Variants in ZNF516 observed in about 807,000 individuals in gnomAD.
ZNF516 encodes the protein zinc finger protein 516.
In ZNF516, 19 loss-of-function variants were observed where a neutral mutation model predicts 79.7. The ratio of observed to expected loss-of-function variants is 0.24; its 90% CI spans 0.17 to 0.35. ZNF516 has a LOEUF of 0.35. ZNF516 is among the 10% of genes least tolerant of loss of function. The pLI, the probability that ZNF516 is intolerant of heterozygous loss-of-function variation, is 1.00. For synonymous variants in ZNF516, 877 were observed against 739.5 expected (o/e 1.19, Z -3.02); for missense variants, 1,678 against 1,679.5 (o/e 1.00, Z 0.02).
chr18:76,407,009 C>T (rs2075312772), intron 3 of ZNF516, among the ~76,000 whole-genome samples: 1 of 152,290 alleles, frequency 6.6e-6, no homozygotes, highest in East Asian at 1.9e-4. Flanking sequence ...TGGGTGAGAC[C>T]TCGCCCAGAC....
chr18:76,424,195 C>T (rs1231627835), intron 3 of ZNF516, among the ~76,000 whole-genome samples: 2 of 48,246 alleles, frequency 4.1e-5, no homozygotes, highest in African/African-American at 7.8e-5. Context: ...GGTGAAAAGG[C>T]TCCCCCGAAA....
chr18:76,362,533 T>C lies in ZNF516; in HGVS notation c.3457A>G (p.Thr1153Ala). Residue 1153 changes from threonine to alanine, a missense_variant, in exon 7 of 7, where the codon ACC becomes GCC. Physicochemically the swap from Thr to Ala is moderately conservative, Grantham distance 58. Around this residue, in one of 5 missense-constraint regions of ZNF516, gnomAD observed 1,294 missense variants for 1,248.3 expected, o/e 1.04. Transcript: ENST00000443185. The stretch of plus-strand genomic sequence containing the variant: ...TTTCTCAGAGGCACTGTCTGGACGG[T>C]ACCTGTGTTAGAATGGTCTCTCCCC... ...KQGRDHSNTG[T>A]VQTVPLRKGT 6.2e-7 allele frequency: 1 copy of C among 1,613,266 alleles called. No homozygotes were observed. The highest frequency in any genetic ancestry group is 8.5e-7 in the Non-Finnish European group (1 of 1,179,276).
intron 3 of ZNF516, among the ~76,000 whole-genome samples, chr18:76,397,276 C>T (rs951064045): frequency 7.2e-5 from 11 of 152,248 alleles, no homozygotes; most frequent in African/African-American, 9.6e-5. Flanking sequence ...TGCTGCCAAT[C>T]GTCCAGCTCA....
Position 76,441,906 on chromosome 18 carries a change from G to A in ZNF516, c.1149C>T (p.Phe383=), listed in dbSNP as rs116725689. The change falls in exon 3 of 7, where the codon TTC becomes TTT. Residue 383 remains phenylalanine, a synonymous_variant. Transcript: ENST00000443185. ...AEGPSDTKQF[F]LQCLNLRPSA... is the part of the protein sequence containing the mutation. ...ACGGCCTCAGGTTCAGGCACTGGAG[G>A]AAGAACTGCTTGGTGTCCGAGGGCC... 3.1e-3 allele frequency: 4,935 copies of A among 1,602,254 alleles called. 137 individuals carry two copies. In the African/African-American group the frequency reaches 0.059, roughly 19 times the overall value.
At chr18:76,494,042 A>C (rs1157996163) in intron 1 of ZNF516, 1 of 152,194 alleles carries the variant, frequency 6.6e-6, no homozygotes, top group Non-Finnish European at 1.5e-5. Flanking sequence ...ATTAACGCTG[A>C]TAATAGATGA....
At chr18:76,488,271 GTTC>G in intron 1 of ZNF516, 2 of 983,912 alleles carry the variant, frequency 2.0e-6, no homozygotes, top group Non-Finnish European at 2.4e-6. Flanking sequence ...AATAAAATTA[GTTC>G]TTCACGTTTA....
intron 2 of ZNF516, among the ~76,000 whole-genome samples, chr18:76,448,088 T>C (rs1912169498): frequency 6.6e-6 from 1 of 152,154 alleles, no homozygotes; most frequent in Non-Finnish European, 1.5e-5. Context: ...TAAAAATACA[T>C]TGTAACGGAG....
At chr18:76,401,800 ACC>A (rs2145220101) in intron 3 of ZNF516, among the ~76,000 whole-genome samples, 1 of 151,860 alleles carries the variant, frequency 6.6e-6, no homozygotes, top group African/African-American at 2.4e-5. Context: ...CCCGCGCCGC[ACC>A]CCTCCACCAC....
chr18:76,460,325 G>T (rs11878141), intron 2 of ZNF516, among the ~76,000 whole-genome samples: 5,154 of 152,264 alleles, frequency 0.034, 285 homozygotes, highest in African/African-American at 0.12. Flanking sequence ...CGACAAGGCT[G>T]TGAGCCCATT....
Position 76,360,644 on chromosome 18 carries a change from AAAATATATATATATATAT to A in ZNF516, c.*1836_*1853del, listed in dbSNP as rs1207872154. The A allele has an allele frequency of 3.0e-5, 3 of 101,646 alleles. No homozygotes were observed. The highest frequency in any genetic ancestry group is 3.6e-4 in the South Asian group (1 of 2,782). 6.3% of individuals were successfully genotyped at this position (101,646 alleles called of 1,614,324 possible). A position where few individuals can be genotyped will look rare whatever the true frequency, so the allele number is the denominator to read the frequency against. On this transcript the variant is annotated 3_prime_UTR_variant, in exon 7 of 7. Transcript: ENST00000443185. ...AGAAAAAAATAAGTAAAAAAAAAAA[AAAATATATATATATATAT>A]ATATATATATATATATAAGCTAGCC...
Position 76,440,110 on chromosome 18 carries a change from G to A in ZNF516, c.1810+1135C>T, listed in dbSNP as rs369973434. On this transcript the variant is annotated intron_variant, in intron 3 of 6. Transcript: ENST00000443185. ...TGTATACACTCATAACCTGTGCGTG[G>A]ATTCAACACAAGTTTTGCTACAGGA... Among the ~76,000 whole-genome samples the A allele has an allele frequency of 9.2e-5, 14 of 152,312 alleles. No homozygotes were observed. In the East Asian group the frequency reaches 2.5e-3, roughly 27 times the overall value.
intron 3 of ZNF516, among the ~76,000 whole-genome samples, chr18:76,405,830 G>C (rs1048219111): frequency 2.0e-5 from 3 of 152,110 alleles, no homozygotes; most frequent in Middle Eastern, 3.4e-3. Context: ...CTTCAGTCAG[G>C]GTCAAAGGCG....
At position 76,379,242 on chromosome 18, in the gene ZNF516, C is replaced by A; in HGVS notation, c.2872G>T (p.Ala958Ser). Residue 958 changes from alanine (A) to serine (S), a missense_variant, in exon 4 of 7, where the codon GCG becomes TCG. Ala to Ser is a moderately conservative substitution (Grantham distance 99). Transcript: ENST00000443185. ...KPVEKFGVPP[A>S]GAGFAPTNKH... ...TTTGTGGGGGCAAAGCCAGCCCCCG[C>A]TGGGGGGACCCCAAACTTCTCCACA... is the stretch of plus-strand genomic sequence containing the variant. 6.2e-7 allele frequency: 1 copy of A among 1,612,606 alleles called. No individual in the cohort carries two copies. Among genetic ancestry groups the A allele is most frequent in the South Asian group, 1.1e-5 (1 of 91,074 alleles).
intron 2 of ZNF516, among the ~76,000 whole-genome samples, chr18:76,445,935 C>G (rs1480996843): frequency 2.0e-5 from 3 of 152,256 alleles, no homozygotes; most frequent in Non-Finnish European, 2.9e-5. Flanking sequence ...CTCCTGGGGT[C>G]TGCGCCCAGA....
intron 1 of ZNF516, among the ~76,000 whole-genome samples, chr18:76,466,893 C>T (rs539680457): frequency 2.6e-5 from 4 of 152,310 alleles, no homozygotes; most frequent in African/African-American, 7.2e-5. Flanking sequence ...ATGCCACGGG[C>T]GGTGAACGTG....
intron 1 of ZNF516, chr18:76,492,298 A>AC: frequency 1.0e-6 from 1 of 985,490 alleles, no homozygotes; most frequent in Non-Finnish European, 1.2e-6. Context: ...AGCCACACAC[A>AC]TCACTACCGA....
Position 76,361,752 on chromosome 18 carries a change from T to C in ZNF516, c.*746A>G, listed in dbSNP as rs779850684. ...TTTTCTTAGTGTTGCGCTAGCTCTCTTCCGAGGCGGAATCTACGCATTCCC... is the reference window on the plus strand; with the variant it reads ...TTTTCTTAGTGTTGCGCTAGCTCTCCTCCGAGGCGGAATCTACGCATTCCC... On this transcript the variant is annotated 3_prime_UTR_variant, in exon 7 of 7. Coordinates refer to ENST00000443185, the MANE Select transcript of ZNF516 (RefSeq NM_014643.4). 2 of 152,246 alleles carry C rather than the reference T, an allele frequency of 1.3e-5. No homozygotes were observed. The highest frequency in any genetic ancestry group is 2.9e-5 in the Non-Finnish European group (2 of 68,064). The allele number at this position is 152,246 out of a possible 1,614,324, so 9.4% of individuals were successfully genotyped here.
Position 76,442,506 on chromosome 18 carries a change from G to C in ZNF516, c.549C>G (p.Phe183Leu). 1 of 1,601,776 alleles carries C rather than the reference G, an allele frequency of 6.2e-7. No individual in the cohort carries two copies. The highest frequency in any genetic ancestry group is 8.5e-7 in the Non-Finnish European group (1 of 1,179,624). The change falls in exon 3 of 7, where the codon TTC (phenylalanine) becomes TTG (leucine). Residue 183 changes from phenylalanine (F) to leucine (L), a missense_variant. Around this residue, in one of 5 missense-constraint regions of ZNF516, gnomAD observed 279 missense variants for 254.1 expected, o/e 1.10. Transcript: ENST00000443185. The part of the protein sequence containing the change: ...AVQCSFCKSQ[F>L]ERKKDLELHV... Reference sequence around the variant, plus strand: ...GCAGCTCCAGGTCCTTCTTACGCTCGAACTGGCTCTTGCAGAAGGAGCACT... The same window carrying C: ...GCAGCTCCAGGTCCTTCTTACGCTCCAACTGGCTCTTGCAGAAGGAGCACT...
At chr18:76,363,683 C>T (rs1599124354) in intron 6 of ZNF516, among the ~76,000 whole-genome samples, 1 of 152,212 alleles carries the variant, frequency 6.6e-6, no homozygotes, top group Non-Finnish European at 1.5e-5. Context: ...GACTGTTTTA[C>T]ATTTTTGTAC....
Sources: allele counts gnomAD v4.1 joint callset (sites outside exome capture counted in the v4.1 genomes callset), GRCh38; gene constraint gnomAD v4.1.1; regional missense constraint gnomAD v4.1.1; transcripts MANE v1.5; gene names NCBI Gene and HGNC (gene_info 2026-07-23, HGNC 2026-07-21).